The following LRRK1 variants were observed in gnomAD, a reference collection of about 807,000 sequenced individuals.
LRRK1 encodes the protein leucine rich repeat kinase 1, also known as leucine-rich repeat serine/threonine-protein kinase 1.
LRRK1 carries 113 observed loss-of-function variants against 209.1 expected under a neutral mutation model. The ratio of observed to expected loss-of-function variants is 0.54; its 90% CI spans 0.46 to 0.63. LRRK1 has a LOEUF of 0.63. Ranked by LOEUF, LRRK1 falls within the 30% of genes least tolerant of loss-of-function variation. The pLI is 0.00. For synonymous variants in LRRK1, 1,144 were observed against 1,099.7 expected (o/e 1.04, Z -0.80); for missense variants, 2,284 against 2,632.2 (o/e 0.87, Z 2.89).
Position 101,069,674 on chromosome 15 carries a change from A to C in LRRK1, c.*826A>C, listed in dbSNP as rs975604439. 1 of 152,648 alleles carries C rather than the reference A, an allele frequency of 6.6e-6. No individual in the cohort carries two copies. The highest frequency in any genetic ancestry group is 1.5e-5 in the Non-Finnish European group (1 of 68,046). The allele number at this position is 152,648 out of a possible 1,614,324, so 9.5% of individuals were successfully genotyped here. A position where few individuals can be genotyped will look rare whatever the true frequency, so the allele number is the denominator to read the frequency against. ...CAGGCCCTGTTTGTTTGCACATAATAATCTTGTTTATCACTTTAAAAAATT... is the reference window on the plus strand; with the variant it reads ...CAGGCCCTGTTTGTTTGCACATAATCATCTTGTTTATCACTTTAAAAAATT... On this transcript the variant is annotated 3_prime_UTR_variant, in exon 34 of 34. Transcript: ENST00000388948.
chr15:101,053,128 A>G, intron 25 of LRRK1, 40 bp downstream of exon 25: 2 of 1,593,044 alleles, frequency 1.3e-6, no homozygotes, highest in Non-Finnish European at 1.7e-6. Flanking sequence ...TCTCAGACAT[A>G]TGCTGCCCGG....
chr15:100,948,702 A>G (rs986937790), intron 2 of LRRK1, among the ~76,000 whole-genome samples: 23 of 152,238 alleles, frequency 1.5e-4, no homozygotes, highest in Non-Finnish European at 2.9e-4. Context: ...GAAAGAAGTT[A>G]GAAATCAATA....
Position 101,011,912 on chromosome 15 carries a change from T to C in LRRK1, c.1282-96T>C, listed in dbSNP as rs1189421899. On this transcript the variant is annotated intron_variant, in intron 9 of 33. Coordinates refer to ENST00000388948, the MANE Select transcript of LRRK1 (RefSeq NM_024652.6). ...TCATTACAGGACATTATTGTAATGG[T>C]CCATTTTTAACATCAAATTTGGAAA... 11 of 851,694 alleles carry C rather than the reference T, an allele frequency of 1.3e-5. No homozygotes were observed. The African/African-American group carries it at 1.7e-4, about 13-fold the overall frequency. 52.8% of individuals were successfully genotyped at this position (851,694 alleles called of 1,614,324 possible).
intron 2 of LRRK1, among the ~76,000 whole-genome samples, chr15:100,947,072 C>A (rs755307253): frequency 1.3e-5 from 2 of 152,052 alleles, no homozygotes; most frequent in African/African-American, 4.8e-5. Flanking sequence ...CAGCTTCAAG[C>A]GATTCCTCTG....
Position 100,919,580 on chromosome 15 carries a change from C to T in LRRK1, c.-123+129C>T, listed in dbSNP as rs2041981662. On this transcript the variant is annotated intron_variant, in intron 1 of 33. Transcript: ENST00000388948. This position sits in a 1 kb window ranked among gnomAD's most constrained non-coding sequence, Gnocchi z 5.8. ...CTGCCTGCCCGCGGGCCCCTGCGCT[C>T]CGGGCGGCCGCGTGGTCGGGCACGG... 6.7e-6 allele frequency: 1 copy of T among 148,200 alleles called. No homozygotes were observed. Among genetic ancestry groups the T allele is most frequent in the Non-Finnish European group, 1.5e-5 (1 of 66,524 alleles). 9.2% of individuals were successfully genotyped at this position (148,200 alleles called of 1,614,324 possible).
At chr15:100,977,327 G>C (rs2031354663) in intron 3 of LRRK1, among the ~76,000 whole-genome samples, 1 of 152,092 alleles carries the variant, frequency 6.6e-6, no homozygotes, top group South Asian at 2.1e-4. Context: ...TTGCAGCCCA[G>C]CCCCACCCCT....
intron 2 of LRRK1, 65 bp from the exon 3 acceptor site, chr15:100,973,739 G>C (rs894332036): frequency 1.3e-4 from 167 of 1,243,138 alleles, no homozygotes; most frequent in Non-Finnish European, 1.6e-4. Flanking sequence ...GTGTTCCACG[G>C]TGATTCTCAA....
chr15:100,998,726 TGATA>T (rs576170789), intron 6 of LRRK1, among the ~76,000 whole-genome samples: 222 of 151,686 alleles, frequency 1.5e-3, no homozygotes, highest in African/African-American at 4.9e-3. Flanking sequence ...GATAGGAGGA[TGATA>T]GATGGATGAA....
intron 20 of LRRK1, among the ~76,000 whole-genome samples, chr15:101,045,096 T>G (rs1172336150): frequency 2.0e-5 from 3 of 152,182 alleles, no homozygotes; most frequent in Non-Finnish European, 2.9e-5. Flanking sequence ...TGTCAGAGCG[T>G]GTAAGTGAGA....
At chr15:101,066,533 C>T (rs374696194) in intron 32 of LRRK1, 107 bp from the exon 33 acceptor site, 2 of 1,001,244 alleles carry the variant, frequency 2.0e-6, no homozygotes, top group Non-Finnish European at 3.1e-6. Context: ...TTAGCAGAAA[C>T]TGCATGTCTG....
chr15:100,952,035 A>T (rs982273513), intron 2 of LRRK1, among the ~76,000 whole-genome samples: 2 of 152,056 alleles, frequency 1.3e-5, no homozygotes, highest in African/African-American at 4.8e-5. Context: ...TACAACATGA[A>T]TAAGTCTTGA....
chr15:101,002,882 C>T (rs888869540), intron 6 of LRRK1, among the ~76,000 whole-genome samples: 1 of 152,122 alleles, frequency 6.6e-6, no homozygotes, highest in African/African-American at 2.4e-5. Context: ...AGGTGTGCAC[C>T]ACCACACCTG....
intron 1 of LRRK1, among the ~76,000 whole-genome samples, chr15:100,923,036 G>A (rs906099014): frequency 6.6e-6 from 1 of 152,194 alleles, no homozygotes; most frequent in African/African-American, 2.4e-5. Context: ...ACCCGCTGGT[G>A]AGGCTGGCAT....
At chr15:101,026,939 G>A (rs1397733255) in intron 17 of LRRK1, among the ~76,000 whole-genome samples, 3 of 152,052 alleles carry the variant, frequency 2.0e-5, no homozygotes, top group Non-Finnish European at 4.4e-5. Context: ...TCCTGGCTCT[G>A]GGTCAGAACC....
chr15:101,017,049 A>C (rs1010981346), intron 12 of LRRK1, among the ~76,000 whole-genome samples: 3 of 152,184 alleles, frequency 2.0e-5, no homozygotes, highest in African/African-American at 7.2e-5. Context: ...CTGCTTCTTA[A>C]CCTCAAAGCT....
intron 2 of LRRK1, among the ~76,000 whole-genome samples, chr15:100,968,209 A>G (rs894106146): frequency 2.0e-5 from 3 of 151,782 alleles, no homozygotes; most frequent in Admixed American, 2.0e-4. Flanking sequence ...CTTCCTTTTT[A>G]TTGTTGAGTA....
intron 20 of LRRK1, among the ~76,000 whole-genome samples, chr15:101,037,324 C>A (rs1368310402): frequency 6.6e-6 from 1 of 152,158 alleles, no homozygotes; most frequent in African/African-American, 2.4e-5. Flanking sequence ...ACAGCAGAGT[C>A]GGTAGGCCCA....
chr15:101,027,423 T>C lies in LRRK1; in HGVS notation c.2526+42T>C, dbSNP rs950434275. On this transcript the variant is annotated intron_variant, in intron 18 of 33. Transcript: ENST00000388948. The surrounding 1 kb of genome is among the most constrained non-coding windows in gnomAD (Gnocchi z 5.1). ...TCCAGTTTAAACCAGTCTGCCTGCT[T>C]CCCATTGTTGGGGGTCCTCACTTCC... is the stretch of plus-strand genomic sequence containing the variant. 10 of 1,598,774 alleles carry C rather than the reference T, an allele frequency of 6.3e-6. No homozygotes were observed. The highest frequency in any genetic ancestry group is 4.5e-5 in the East Asian group (2 of 44,658).
intron 31 of LRRK1, among the ~76,000 whole-genome samples, chr15:101,063,234 C>T (rs1315403905): frequency 1.3e-5 from 2 of 152,200 alleles, no homozygotes; most frequent in African/African-American, 4.8e-5. Context: ...AAGGGGCACT[C>T]TCCCCATTAA....
Sources: gnomAD v4.1 joint callset for allele counts (sites outside exome capture counted in the v4.1 genomes callset) on GRCh38, gnomAD v4.1.1 for gene constraint, Gnocchi (gnomAD v3.1) non-coding constraint, MANE v1.5 for transcripts, NCBI Gene and HGNC (gene_info 2026-07-23, HGNC 2026-07-21) for gene names.